Variants in LRP1B observed in about 807,000 individuals in gnomAD.
The protein encoded by LRP1B is LDL receptor related protein 1B, also known as low-density lipoprotein receptor-related protein 1B.
In LRP1B, 217 loss-of-function variants were observed where a neutral mutation model predicts 556.6. The ratio of observed to expected loss-of-function variants is 0.39; its 90% CI spans 0.35 to 0.44. The LOEUF is 0.44. Ranked by LOEUF, LRP1B falls within the 20% of genes least tolerant of loss-of-function variation. The probability of loss-of-function intolerance (pLI) is 1.00; values close to 1 mark genes in which losing one functional copy is unlikely to be tolerated. For synonymous variants in LRP1B, 2,047 were observed against 1,865.8 expected, an observed-to-expected ratio of 1.10 and a Z score of -2.50; for missense variants, 5,053 against 5,620.8, an observed-to-expected ratio of 0.90 and a Z score of 3.23.
intron 35 of LRP1B, among the ~76,000 whole-genome samples, chr2:140,720,491 G>GA (rs1687362784): frequency 1.3e-5 from 2 of 151,934 alleles, no homozygotes; most frequent in South Asian, 4.1e-4. Flanking sequence ...GAATTAAAGG[G>GA]AAAACCATAT....
chr2:140,315,236 AAAATT>A, intron 82 of LRP1B, 137 bp from the exon 83 acceptor site: 1 of 549,644 alleles, frequency 1.8e-6, no homozygotes, highest in Non-Finnish European at 3.1e-6. Flanking sequence ...AAAAGAAGAA[AAAATT>A]AAATACTATC....
intron 7 of LRP1B, among the ~76,000 whole-genome samples, chr2:141,161,883 C>T (rs1301534816): frequency 6.6e-6 from 1 of 151,978 alleles, no homozygotes; most frequent in Non-Finnish European, 1.5e-5. Context: ...AAGTGATTTG[C>T]ATATATGATA....
chr2:140,857,752 C>CA (rs1692662591), intron 27 of LRP1B, among the ~76,000 whole-genome samples: 1 of 151,942 alleles, frequency 6.6e-6, no homozygotes, highest in East Asian at 1.9e-4. Flanking sequence ...TTAAAAACCA[C>CA]AAAAAACATT....
At chr2:141,025,338 A>T (rs1698187950) in intron 11 of LRP1B, among the ~76,000 whole-genome samples, 1 of 152,098 alleles carries the variant, frequency 6.6e-6, no homozygotes, top group Admixed American at 6.6e-5. Flanking sequence ...TTCTGCATTG[A>T]TTTACACAAC....
intron 7 of LRP1B, among the ~76,000 whole-genome samples, chr2:141,176,451 C>T (rs1006932582): frequency 6.6e-6 from 1 of 151,916 alleles, no homozygotes; most frequent in Non-Finnish European, 1.5e-5. Flanking sequence ...GGCATTTTCT[C>T]CCCTTGGTCT....
chr2:140,553,586 G>A (rs1392895163), intron 43 of LRP1B, among the ~76,000 whole-genome samples: 55 of 152,156 alleles, frequency 3.6e-4, no homozygotes, highest in Admixed American at 3.5e-3. Flanking sequence ...ATTACTCTGA[G>A]CTTCTCAGTA....
At chr2:141,645,847 A>G (rs1689543181) in intron 2 of LRP1B, among the ~76,000 whole-genome samples, 1 of 152,106 alleles carries the variant, frequency 6.6e-6, no homozygotes, top group Non-Finnish European at 1.5e-5. Context: ...ACACACATCC[A>G]TATAAATAAA....
At chr2:140,248,940 T>G (rs1428530663) in intron 86 of LRP1B, among the ~76,000 whole-genome samples, 1 of 151,388 alleles carries the variant, frequency 6.6e-6, no homozygotes, top group Non-Finnish European at 1.5e-5. Flanking sequence ...CTTAGTTATT[T>G]CATTATGTAT....
chr2:141,206,213 C>T (rs1021290831), intron 6 of LRP1B, among the ~76,000 whole-genome samples: 17 of 151,816 alleles, frequency 1.1e-4, no homozygotes, highest in African/African-American at 2.2e-4. Flanking sequence ...TCCCAAAAGA[C>T]GACAAAACAT....
intron 1 of LRP1B, among the ~76,000 whole-genome samples, chr2:141,953,099 A>T (rs749613968): frequency 2.8e-4 from 42 of 152,006 alleles, no homozygotes; most frequent in Admixed American, 9.2e-4. Flanking sequence ...GACTCTCTTG[A>T]GGGTGACTGG....
intron 2 of LRP1B, among the ~76,000 whole-genome samples, chr2:141,767,487 G>C (rs1017491398): frequency 4.6e-5 from 7 of 152,000 alleles, no homozygotes; most frequent in African/African-American, 1.7e-4. Flanking sequence ...TCTTCTCTTA[G>C]GACTTATACA....
At chr2:140,425,590 T>C (rs1685619285) in intron 66 of LRP1B, among the ~76,000 whole-genome samples, 1 of 152,128 alleles carries the variant, frequency 6.6e-6, no homozygotes, top group African/African-American at 2.4e-5. Context: ...TTTGCATTTT[T>C]AGTAGAGATG....
intron 66 of LRP1B, among the ~76,000 whole-genome samples, chr2:140,417,614 T>C (rs945441132): frequency 6.6e-5 from 10 of 152,136 alleles, no homozygotes; most frequent in African/African-American, 2.4e-4. Context: ...AATAATTACA[T>C]ATCAGGAAAA....
chr2:140,962,300 C>T (rs1696061050), intron 18 of LRP1B, among the ~76,000 whole-genome samples: 1 of 152,132 alleles, frequency 6.6e-6, no homozygotes, highest in African/African-American at 2.4e-5. Context: ...ACCACTATCC[C>T]CCATGCAACC....
intron 6 of LRP1B, among the ~76,000 whole-genome samples, chr2:141,200,317 A>C (rs1681953480): frequency 2.0e-5 from 3 of 152,130 alleles, no homozygotes. Flanking sequence ...TCTCAGTCAC[A>C]AGTGGGAGCT....
chr2:140,301,904 C>G (rs1247563203), intron 83 of LRP1B, among the ~76,000 whole-genome samples: 1 of 151,604 alleles, frequency 6.6e-6, no homozygotes, highest in Non-Finnish European at 1.5e-5. Flanking sequence ...TGTATATATA[C>G]ACATATACAT....
At chr2:141,611,106 A>G (rs1245501367) in intron 2 of LRP1B, among the ~76,000 whole-genome samples, 4 of 152,218 alleles carry the variant, frequency 2.6e-5, no homozygotes, top group Non-Finnish European at 5.9e-5. Flanking sequence ...GTTTTATTCC[A>G]TCAGCTTGAG....
intron 68 of LRP1B, among the ~76,000 whole-genome samples, chr2:140,375,250 G>C (rs1683176482): frequency 7.1e-6 from 1 of 141,528 alleles, no homozygotes; most frequent in South Asian, 2.6e-4. Flanking sequence ...TGCACAAATT[G>C]TCCCTTTTGT....
rs754179103 is a variant in LRP1B, at chr2:140,475,162, T to C, written c.9601A>G (p.Met3201Val). 2 of 1,599,244 alleles carry C rather than the reference T, an allele frequency of 1.3e-6. No homozygotes were observed. Among genetic ancestry groups the C allele is most frequent in the Admixed American group, 1.7e-5 (1 of 57,376 alleles). Reference protein sequence around the residue: ...ADENHIEFSNMDGSHRHKVPN... With the variant: ...ADENHIEFSNVDGSHRHKVPN... ...CCTTTGTGTCTATGAGATCCATCCA[T>C]GTTGCTAAATTCAATGTGATTTTCA... Residue 3201 changes from methionine (M) to valine (V), a missense_variant, in exon 60 of 91, where the codon ATG becomes GTG. Met to Val is a conservative substitution (Grantham distance 21). Coordinates refer to ENST00000389484, the MANE Select transcript of LRP1B (RefSeq NM_018557.3).
Sources: gnomAD v4.1 joint callset for allele counts (sites outside exome capture counted in the v4.1 genomes callset) on GRCh38, gnomAD v4.1.1 for gene constraint, MANE v1.5 for transcripts, NCBI Gene and HGNC (gene_info 2026-07-23, HGNC 2026-07-21) for gene names.